PIMREG: variants seen among roughly 807,000 people sequenced by gnomAD.
PIMREG encodes PICALM interacting mitotic regulator.
Under a neutral mutation model 24.3 loss-of-function variants are expected in PIMREG, and 19 were observed. The observed-to-expected ratio is 0.78, with a 90% CI of 0.54 to 1.15. The LOEUF (loss-of-function observed/expected upper bound fraction) is 1.15. Among genes scored for constraint, PIMREG ranks in the 50% most tolerant of loss-of-function variants. PIMREG has a pLI of 0.00. For missense variants in PIMREG, 283 were observed against 306.8 expected, an observed-to-expected ratio of 0.92 and a Z score of 0.58; for synonymous variants, 112 against 124.1, an observed-to-expected ratio of 0.90 and a Z score of 0.65.
rs1913824571 is a variant in PIMREG at position 6,451,384 on chromosome 17, G to T, written c.*1037G>T. On this transcript the variant is annotated 3_prime_UTR_variant, in exon 6 of 6. Transcript: ENST00000572447. ...CCATAATGCTGTTTTTGTCTTGTTAGAAATCTGATATCTTACATTAGCGTT... is the reference window on the plus strand; with the variant it reads ...CCATAATGCTGTTTTTGTCTTGTTATAAATCTGATATCTTACATTAGCGTT... 1 of 152,234 alleles carries T rather than the reference G, an allele frequency of 6.6e-6. No individual in the cohort carries two copies. Among genetic ancestry groups the T allele is most frequent in the South Asian group, 2.1e-4 (1 of 4,836 alleles). 9.4% of individuals were successfully genotyped at this position (152,234 alleles called of 1,614,324 possible). A position where few individuals can be genotyped will look rare whatever the true frequency, so the allele number is the denominator to read the frequency against.
intron 3 of PIMREG, among the ~76,000 whole-genome samples, chr17:6,448,009 C>T (rs534634339): frequency 1.6e-4 from 25 of 152,114 alleles, no homozygotes; most frequent in East Asian, 1.2e-3. Flanking sequence ...ACAGGCTGGG[C>T]GCAGTGGCTC....
chr17:6,445,682 A>G (rs952581346), intron 2 of PIMREG, among the ~76,000 whole-genome samples: 2 of 152,224 alleles, frequency 1.3e-5, no homozygotes, highest in Non-Finnish European at 2.9e-5. Flanking sequence ...CAAGTGACCA[A>G]TAGTGAGGCT....
rs138780415 is a variant in PIMREG, at chr17:6,445,806, G to A, written c.294+402G>A. Among the ~76,000 whole-genome samples, 516 of 152,290 alleles carry A rather than the reference G, an allele frequency of 3.4e-3. 1 individual carries two copies. The highest frequency in any genetic ancestry group is 5.8e-3 in the Non-Finnish European group (397 of 68,028). On this transcript the variant is annotated intron_variant, in intron 2 of 5. Transcript: ENST00000572447. The stretch of plus-strand genomic sequence containing the variant: ...GGTAGGGGAAATAGTGCAAGTCCAG[G>A]CCTAGAGCTGAGGGAAAGCAAGGTG...
chr17:6,450,201 GC>G, intron 5 of PIMREG, 129 bp downstream of exon 5: 1 of 1,188,242 alleles, frequency 8.4e-7, no homozygotes, highest in Non-Finnish European at 1.2e-6. Flanking sequence ...GCCGCTTGAA[GC>G]CAGAGCTGCT....
chr17:6,447,881 T>A, intron 3 of PIMREG, 123 bp downstream of exon 3: 23 of 998,558 alleles, frequency 2.3e-5, no homozygotes, highest in Non-Finnish European at 3.3e-5. Context: ...TGTGGCTACC[T>A]GGAGCCAGGG....
intron 5 of PIMREG, 41 bp from the exon 6 acceptor site, chr17:6,450,318 TCTC>T (rs1913776047): frequency 2.7e-6 from 4 of 1,508,340 alleles, no homozygotes; most frequent in South Asian, 1.2e-5. Flanking sequence ...CATCCCTACT[TCTC>T]CTACCTTGAG....
chr17:6,449,756 A>T (rs1237383459), intron 4 of PIMREG: 1 of 1,394,972 alleles, frequency 7.2e-7, no homozygotes, highest in South Asian at 1.8e-5. Context: ...GGGAAAAGCA[A>T]CCTGACTGCT....
intron 3 of PIMREG, 21 bp downstream of exon 3, chr17:6,447,779 C>A: frequency 6.4e-7 from 1 of 1,569,786 alleles, no homozygotes; most frequent in South Asian, 1.2e-5. Context: ...TAGTGCTTCA[C>A]CCCGGGGCTG....
At chr17:6,448,142 G>T (rs1452006739) in intron 3 of PIMREG, among the ~76,000 whole-genome samples, 1 of 151,850 alleles carries the variant, frequency 6.6e-6, no homozygotes, top group Non-Finnish European at 1.5e-5. Context: ...AATTGGCTGG[G>T]CGTGGTGGTG....
At chr17:6,450,154 G>A in intron 5 of PIMREG, 82 bp downstream of exon 5, 1 of 1,434,192 alleles carries the variant, frequency 7.0e-7, no homozygotes, top group Non-Finnish European at 9.8e-7. Context: ...AAAGCCCACA[G>A]AGCTGATGGG....
chr17:6,449,940 C>G lies in PIMREG; in HGVS notation c.687-88C>G, dbSNP rs1913752748. On this transcript the variant is annotated intron_variant, in intron 4 of 5. Transcript: ENST00000572447. ...GAGGGGCCATATTCCTACCACATTT[C>G]CGGGTCTGATCTTGTGTAGCTCAGG... is the stretch of plus-strand genomic sequence containing the variant. The G allele has an allele frequency of 1.1e-5, 16 of 1,494,712 alleles. No individual in the cohort carries two copies. The South Asian group carries it at 1.8e-4, about 17-fold the overall frequency. 92.6% of individuals were successfully genotyped at this position (1,494,712 alleles called of 1,614,324 possible).
intron 4 of PIMREG, chr17:6,449,748 G>A (rs1913740034): frequency 4.3e-6 from 6 of 1,395,996 alleles, no homozygotes; most frequent in East Asian, 2.6e-5. Flanking sequence ...ATGGAATTGG[G>A]AAAAGCAACC....
At chr17:6,448,524 G>A (rs1012931996) in intron 3 of PIMREG, among the ~76,000 whole-genome samples, 1 of 152,158 alleles carries the variant, frequency 6.6e-6, no homozygotes, top group Non-Finnish European at 1.5e-5. Context: ...CCATTTGACA[G>A]GTAAGGAAAC....
intron 5 of PIMREG, 76 bp from the exon 6 acceptor site, chr17:6,450,286 C>A: frequency 7.3e-7 from 1 of 1,371,142 alleles, no homozygotes; most frequent in Non-Finnish European, 9.9e-7. Context: ...GCACCCCCCA[C>A]CCCGCAGTGA....
chr17:6,449,236 C>A, intron 3 of PIMREG, 76 bp from the exon 4 acceptor site: 1 of 1,317,532 alleles, frequency 7.6e-7, no homozygotes, highest in South Asian at 1.4e-5. Context: ...ACAGACCACA[C>A]CCCGGTACCG....
At chr17:6,446,532 G>A (rs73978426) in intron 2 of PIMREG, among the ~76,000 whole-genome samples, 4,163 of 152,152 alleles carry the variant, frequency 0.027, 166 homozygotes, top group African/African-American at 0.091. Flanking sequence ...CTTGGGCTTC[G>A]CTCCAAACAC....
intron 3 of PIMREG, among the ~76,000 whole-genome samples, chr17:6,448,746 C>T (rs780096957): frequency 2.0e-5 from 3 of 152,172 alleles, no homozygotes; most frequent in Non-Finnish European, 4.4e-5. Flanking sequence ...TGGCAGTTTC[C>T]TGGTCCCATC....
At chr17:6,447,820 T>C in intron 3 of PIMREG, 62 bp downstream of exon 3, 2 of 1,506,664 alleles carry the variant, frequency 1.3e-6, no homozygotes, top group Non-Finnish European at 1.8e-6. Context: ...CAATCCCTGC[T>C]GTCTGACCTC....
In PIMREG at chr17:6,450,090, A is replaced by G. The variant is rs1482955474; in HGVS notation, c.*14+18A>G. ...GCCTGCAGGTAATGCCCACCTCCCAAGAGTCTTTCTCACTGTCCTTCTCCT... is the reference window on the plus strand; with the variant it reads ...GCCTGCAGGTAATGCCCACCTCCCAGGAGTCTTTCTCACTGTCCTTCTCCT... On this transcript the variant is annotated intron_variant, in intron 5 of 5. Coordinates refer to ENST00000572447, the MANE Select transcript of PIMREG (RefSeq NM_019013.3). 3 of 1,612,664 alleles carry G rather than the reference A, an allele frequency of 1.9e-6. No homozygotes were observed. The highest frequency in any genetic ancestry group is 1.3e-5 in the African/African-American group (1 of 74,874).
Sources: allele counts gnomAD v4.1 joint callset (sites outside exome capture counted in the v4.1 genomes callset), GRCh38; gene constraint gnomAD v4.1.1; transcripts MANE v1.5; gene names NCBI Gene and HGNC (gene_info 2026-07-23, HGNC 2026-07-21).